The following KANK1 variants were observed in gnomAD, a reference collection of about 807,000 sequenced individuals.
KANK1 encodes the protein KN motif and ankyrin repeat domain-containing protein 1.
In KANK1, 109 loss-of-function variants were observed where a neutral mutation model predicts 106.2. The ratio of observed to expected loss-of-function variants is 1.03; its 90% CI spans 0.88 to 1.20. The LOEUF (loss-of-function observed/expected upper bound fraction) is 1.20, where lower values mean the gene tolerates loss of function less well. Ranked by LOEUF, KANK1 falls within the 50% of genes most tolerant of loss-of-function variation. KANK1 has a pLI of 0.00. For synonymous variants in KANK1, 873 were observed against 652.2 expected, an observed-to-expected ratio of 1.34 and a Z score of -5.16; for missense variants, 2,399 against 1,710.7, an observed-to-expected ratio of 1.40 and a Z score of -7.10.
chr9:638,291 T>C (rs768369538), intron 1 of KANK1, among the ~76,000 whole-genome samples: 1 of 152,204 alleles, frequency 6.6e-6, no homozygotes, highest in Admixed American at 6.5e-5. Flanking sequence ...GGGGGACATG[T>C]GGTAAACGCC....
At chr9:626,614 C>T (rs1387135946) in intron 1 of KANK1, among the ~76,000 whole-genome samples, 1 of 152,196 alleles carries the variant, frequency 6.6e-6, no homozygotes, top group Non-Finnish European at 1.5e-5. Context: ...ATAAATACTG[C>T]CAACATCTGG....
intron 1 of KANK1, among the ~76,000 whole-genome samples, chr9:668,765 G>T (rs1348030055): frequency 6.6e-6 from 1 of 152,150 alleles, no homozygotes; most frequent in Non-Finnish European, 1.5e-5. Flanking sequence ...CCAGGGACCA[G>T]TTTCATGGAA....
At chr9:479,022 A>G (rs1443260631) in intron 3 of KANK1, among the ~76,000 whole-genome samples, 3 of 151,740 alleles carry the variant, frequency 2.0e-5, no homozygotes, top group Admixed American at 1.3e-4. Context: ...GGTTTCAGCA[A>G]TTCTCATGTT....
At position 672,551 on chromosome 9, in the gene KANK1, A is replaced by G. The variant is rs115761045; in HGVS notation, c.-83-4339A>G. 6.5e-3 allele frequency among the ~76,000 whole-genome samples: 983 copies of G among 152,276 alleles called. 17 individuals carry two copies. Among genetic ancestry groups the G allele is most frequent in the African/African-American group, 0.023 (945 of 41,550 alleles). ...TTAGCTGCCATCAACATTACCATCA[A>G]TATTATCATCAGCATTATCTTGTTT... On this transcript the variant is annotated intron_variant, in intron 1 of 11. Transcript: ENST00000382297.
chr9:719,799 G>A (rs1486876923), intron 3 of KANK1, among the ~76,000 whole-genome samples: 4 of 151,954 alleles, frequency 2.6e-5, no homozygotes, highest in African/African-American at 9.7e-5. Flanking sequence ...AGACTAGAGT[G>A]CAGTGGCATG....
Position 725,571 on chromosome 9 carries a change from C to G in KANK1, c.2699-4480C>G, listed in dbSNP as rs146364642. Reference sequence around the variant, plus strand: ...TTTTTTGCCAGCTCTCACTCTTTTACTATAGCGTCATTGTTTTAAACCAGT... The same window carrying G: ...TTTTTTGCCAGCTCTCACTCTTTTAGTATAGCGTCATTGTTTTAAACCAGT... On this transcript the variant is annotated intron_variant, in intron 3 of 11. Coordinates refer to ENST00000382297, the MANE Select transcript of KANK1 (RefSeq NM_015158.5). 6.7e-3 allele frequency among the ~76,000 whole-genome samples: 1,018 copies of G among 151,370 alleles called. 6 individuals carry two copies. The highest frequency in any genetic ancestry group is 0.014 in the Admixed American group (208 of 15,200).
chr9:692,085 T>C (rs2361112), intron 2 of KANK1, among the ~76,000 whole-genome samples: 108,822 of 151,958 alleles, frequency 0.72, 39,616 homozygotes, highest in Middle Eastern at 0.82. Flanking sequence ...AAATAGCCTG[T>C]TTTGTAAAAT....
chr9:475,807 T>G (rs1428689123), intron 3 of KANK1, among the ~76,000 whole-genome samples: 1 of 152,170 alleles, frequency 6.6e-6, no homozygotes, highest in Non-Finnish European at 1.5e-5. Context: ...TTCCAGGCGC[T>G]CCCATCTGAA....
intron 1 of KANK1, among the ~76,000 whole-genome samples, chr9:668,348 A>ATTTC (rs1845135158): frequency 6.6e-6 from 1 of 151,386 alleles, no homozygotes; most frequent in Admixed American, 6.6e-5. Flanking sequence ...TTGTATTATA[A>ATTTC]TCTCTCTCTC....
rs750611857 is a variant in KANK1, at chr9:711,886, A to C, written c.1120A>C (p.Met374Leu). 7 of 1,614,200 alleles carry C rather than the reference A, an allele frequency of 4.3e-6. No homozygotes were observed. The South Asian group carries it at 4.4e-5, about 10-fold the overall frequency. Reference protein sequence around the residue: ...IKEFRQLTADMQALEQKIQDS... With the variant: ...IKEFRQLTADLQALEQKIQDS... ...GGAGTTCCGGCAACTTACAGCAGACATGCAAGCCCTGGAGCAGAAGATCCA... is the reference window on the plus strand; with the variant it reads ...GGAGTTCCGGCAACTTACAGCAGACCTGCAAGCCCTGGAGCAGAAGATCCA... The change falls in exon 3 of 12, where the codon ATG (methionine) becomes CTG (leucine). Residue 374 changes from methionine to leucine, a missense_variant. Met to Leu is a conservative substitution (Grantham distance 15). Coordinates refer to ENST00000382297, the MANE Select transcript of KANK1 (RefSeq NM_015158.5).
chr9:605,108 C>G (rs2135965644), intron 1 of KANK1, among the ~76,000 whole-genome samples: 1 of 151,404 alleles, frequency 6.6e-6, no homozygotes, highest in South Asian at 2.1e-4. Flanking sequence ...TTGAGACCAG[C>G]CTGACCAACA....
At chr9:583,827 AGAACAT>A (rs1554636709) in intron 1 of KANK1, among the ~76,000 whole-genome samples, 1 of 152,092 alleles carries the variant, frequency 6.6e-6, no homozygotes, top group Non-Finnish European at 1.5e-5. Flanking sequence ...AGAAAAATAG[AGAACAT>A]GAACAAGAGT....
chr9:744,947 C>A, intron 11 of KANK1: 1 of 1,447,160 alleles, frequency 6.9e-7, no homozygotes. Flanking sequence ...GTCCACAGTT[C>A]ACTCTGAGTG....
chr9:707,152 G>T, intron 2 of KANK1: 1 of 985,614 alleles, frequency 1.0e-6, no homozygotes, highest in Non-Finnish European at 1.2e-6. Flanking sequence ...TCCTCACGGG[G>T]TGAGGATCGA....
At chr9:697,797 A>G (rs1169958196) in intron 2 of KANK1, among the ~76,000 whole-genome samples, 1 of 152,134 alleles carries the variant, frequency 6.6e-6, no homozygotes, top group Non-Finnish European at 1.5e-5. Context: ...GGGGGTTCAA[A>G]AGAGTTTGAA....
chr9:545,590 G>C (rs1448097845), intron 1 of KANK1, among the ~76,000 whole-genome samples: 1 of 152,112 alleles, frequency 6.6e-6, no homozygotes, highest in East Asian at 1.9e-4. Flanking sequence ...CAAGGAGGCA[G>C]TGGTTACCAG....
At chr9:515,957 C>T (rs918264237) in intron 1 of KANK1, among the ~76,000 whole-genome samples, 5 of 151,746 alleles carry the variant, frequency 3.3e-5, no homozygotes, top group Admixed American at 1.3e-4. Context: ...TTATTCTGGG[C>T]ACCTATTTTA....
chr9:734,868 T>G (rs2131909985), intron 7 of KANK1, 33 bp downstream of exon 7: 1 of 1,495,164 alleles, frequency 6.7e-7, no homozygotes, highest in Non-Finnish European at 9.3e-7. Context: ...ATCCCCAGTG[T>G]GTACAAAGTG....
intron 2 of KANK1, chr9:693,453 T>A: frequency 1.0e-6 from 1 of 985,400 alleles, no homozygotes; most frequent in Non-Finnish European, 1.2e-6. Context: ...CATTTCTAGG[T>A]CAGCATTTCA....
Sources: gnomAD v4.1 joint callset for allele counts (sites outside exome capture counted in the v4.1 genomes callset) on GRCh38, gnomAD v4.1.1 for gene constraint, MANE v1.5 for transcripts, NCBI Gene and HGNC (gene_info 2026-07-23, HGNC 2026-07-21) for gene names.